Variants in ULK4 observed in about 807,000 individuals in gnomAD.
The protein encoded by ULK4 is unc-51 like kinase 4.
Under a neutral mutation model 160.6 loss-of-function variants are expected in ULK4, and 133 were observed. The ratio of observed to expected loss-of-function variants is 0.83; its 90% CI spans 0.72 to 0.96. The LOEUF is 0.96. Ranked by LOEUF, ULK4 falls within the 40% of genes least tolerant of loss-of-function variation. The probability of loss-of-function intolerance (pLI) is 0.00; values close to 1 mark genes in which losing one functional copy is unlikely to be tolerated. For synonymous variants in ULK4, 534 were observed against 539.8 expected (o/e 0.99, Z 0.15); for missense variants, 1,580 against 1,499.5 (o/e 1.05, Z -0.89).
At chr3:41,289,883 G>A (rs1420940447) in intron 35 of ULK4, among the ~76,000 whole-genome samples, 2 of 152,148 alleles carry the variant, frequency 1.3e-5, no homozygotes, top group South Asian at 2.1e-4. Context: ...ATGTGTGTGT[G>A]TGTGTATGTG....
At chr3:41,726,792 T>C (rs2037666276) in intron 22 of ULK4, among the ~76,000 whole-genome samples, 1 of 152,052 alleles carries the variant, frequency 6.6e-6, no homozygotes, top group African/African-American at 2.4e-5. Context: ...TGTATTTTTG[T>C]TTTGTTTATT....
intron 27 of ULK4, among the ~76,000 whole-genome samples, chr3:41,684,434 T>C (rs1292752471): frequency 6.6e-6 from 1 of 152,222 alleles, no homozygotes; most frequent in South Asian, 2.1e-4. Flanking sequence ...TCTTATTTTA[T>C]GTCTTTGAGA....
chr3:41,282,278 T>G (rs1011867990), intron 35 of ULK4, among the ~76,000 whole-genome samples: 2 of 152,342 alleles, frequency 1.3e-5, no homozygotes, highest in Middle Eastern at 3.4e-3. Context: ...CAGACTTTCT[T>G]CACAGAATTG....
chr3:41,952,284 A>G (rs1361835216), intron 2 of ULK4, among the ~76,000 whole-genome samples: 2 of 152,248 alleles, frequency 1.3e-5, no homozygotes, highest in African/African-American at 2.4e-5. Flanking sequence ...ATATGAAAAT[A>G]TATTTGCATA....
chr3:41,594,504 G>T (rs1389584978), intron 31 of ULK4, among the ~76,000 whole-genome samples: 2 of 151,978 alleles, frequency 1.3e-5, no homozygotes, highest in Non-Finnish European at 2.9e-5. Context: ...CACCACTGAA[G>T]TCCAGCCTGG....
intron 32 of ULK4, among the ~76,000 whole-genome samples, chr3:41,511,795 G>A (rs1177110533): frequency 6.6e-6 from 1 of 152,018 alleles, no homozygotes; most frequent in Non-Finnish European, 1.5e-5. Flanking sequence ...TATAAAGCCA[G>A]TATCACCCTA....
At chr3:41,906,432 G>A (rs1698564386) in intron 12 of ULK4, among the ~76,000 whole-genome samples, 1 of 152,070 alleles carries the variant, frequency 6.6e-6, no homozygotes, top group Non-Finnish European at 1.5e-5. Flanking sequence ...GGCAGACTAA[G>A]GCAGGACGAC....
intron 17 of ULK4, among the ~76,000 whole-genome samples, chr3:41,845,924 TG>T (rs1320816076): frequency 3.9e-5 from 6 of 152,206 alleles, no homozygotes; most frequent in African/African-American, 1.4e-4. Context: ...ACAAAGTTAG[TG>T]GCAGGGATTT....
chr3:41,388,860 T>C (rs1200276067), intron 35 of ULK4, among the ~76,000 whole-genome samples: 1 of 152,220 alleles, frequency 6.6e-6, no homozygotes, highest in Non-Finnish European at 1.5e-5. Context: ...CTATACAGGC[T>C]CTTTTTTGGT....
rs9813300 is a variant in ULK4, at chr3:41,721,278, T to G, written c.2322-3417A>C. Among the ~76,000 whole-genome samples the G allele has an allele frequency of 8.8e-4, 88 of 100,052 alleles. 4 individuals carry two copies. Among genetic ancestry groups the G allele is most frequent in the African/African-American group, 3.6e-3 (83 of 22,918 alleles). 65.6% of individuals were successfully genotyped at this position (100,052 alleles called of 152,430 possible). A position where few individuals can be genotyped will look rare whatever the true frequency, so the allele number is the denominator to read the frequency against. On this transcript the variant is annotated intron_variant, in intron 22 of 36. Transcript: ENST00000301831. The stretch of plus-strand genomic sequence containing the variant: ...GAATTTTTTTTTTTTTTTTTTTTTT[T>G]TTTTTTGGGTTTTGAACCATGAGTA...
chr3:41,248,410 T>C (rs2078684030), intron 36 of ULK4, among the ~76,000 whole-genome samples: 1 of 152,184 alleles, frequency 6.6e-6, no homozygotes, highest in Non-Finnish European at 1.5e-5. Context: ...CAGTCTCTCC[T>C]GCCCCTCACC....
intron 35 of ULK4, among the ~76,000 whole-genome samples, chr3:41,298,504 ATTGTT>A (rs1426761563): frequency 6.6e-6 from 1 of 152,168 alleles, no homozygotes; most frequent in Non-Finnish European, 1.5e-5. Context: ...AAATCTTCCT[ATTGTT>A]TTTTCTCCCT....
intron 34 of ULK4, among the ~76,000 whole-genome samples, chr3:41,418,562 A>G (rs1386628134): frequency 6.6e-6 from 1 of 152,078 alleles, no homozygotes; most frequent in Admixed American, 6.5e-5. Context: ...TCATTTCCTA[A>G]TCTAGTCTTC....
At chr3:41,344,995 A>G (rs2080770155) in intron 35 of ULK4, among the ~76,000 whole-genome samples, 1 of 152,218 alleles carries the variant, frequency 6.6e-6, no homozygotes, top group African/African-American at 2.4e-5. Flanking sequence ...TTTCAAAAGA[A>G]CACATACATG....
chr3:41,939,958 G>A (rs1383433084), intron 2 of ULK4, among the ~76,000 whole-genome samples: 1 of 151,848 alleles, frequency 6.6e-6, no homozygotes, highest in African/African-American at 2.4e-5. Flanking sequence ...CCACCCCATG[G>A]AAAAACTGTC....
intron 19 of ULK4, among the ~76,000 whole-genome samples, chr3:41,806,187 T>C (rs2040636774): frequency 6.7e-6 from 1 of 148,714 alleles, no homozygotes; most frequent in African/African-American, 2.5e-5. Flanking sequence ...ATTCAGAGAT[T>C]CAACTTCTTC....
intron 17 of ULK4, among the ~76,000 whole-genome samples, chr3:41,850,333 G>T (rs1444425760): frequency 6.6e-6 from 1 of 152,130 alleles, no homozygotes. Context: ...ACCCAGTAAT[G>T]GGATGGCTGG....
At chr3:41,871,223 T>A (rs1036996563) in intron 17 of ULK4, among the ~76,000 whole-genome samples, 3 of 152,196 alleles carry the variant, frequency 2.0e-5, no homozygotes, top group African/African-American at 7.2e-5. Context: ...AATGGTATAT[T>A]AATATGACAC....
chr3:41,644,308 A>T (rs2034376421), intron 30 of ULK4, among the ~76,000 whole-genome samples: 1 of 151,834 alleles, frequency 6.6e-6, no homozygotes, highest in Admixed American at 6.6e-5. Flanking sequence ...TTGCCCATTC[A>T]GTATGATATT....
Sources: gnomAD v4.1 joint callset for allele counts (sites outside exome capture counted in the v4.1 genomes callset) on GRCh38, gnomAD v4.1.1 for gene constraint, MANE v1.5 for transcripts, NCBI Gene and HGNC (gene_info 2026-07-23, HGNC 2026-07-21) for gene names.